The following LEF1 variants were observed in gnomAD, a reference collection of about 807,000 sequenced individuals.
LEF1 encodes lymphoid enhancer binding factor 1.
LEF1 carries 14 observed loss-of-function variants against 51.2 expected under a neutral mutation model. The observed-to-expected ratio is 0.27, with a 90% CI of 0.18 to 0.43. The LOEUF (loss-of-function observed/expected upper bound fraction) is 0.43. Ranked by LOEUF, LEF1 falls within the 20% of genes least tolerant of loss-of-function variation. The pLI is 1.00. For missense variants in LEF1, 386 were observed against 512.0 expected (o/e 0.75, Z 2.37); for synonymous variants, 185 against 183.2 (o/e 1.01, Z -0.08).
intron 3 of LEF1, chr4:108,104,691 C>G (rs754865155): frequency 1.0e-6 from 1 of 984,582 alleles, no homozygotes; most frequent in South Asian, 4.7e-5. Flanking sequence ...TATGAATGCT[C>G]TTTCCCACTC....
chr4:108,097,647 A>G (rs1055442600), intron 3 of LEF1, among the ~76,000 whole-genome samples: 2 of 152,214 alleles, frequency 1.3e-5, no homozygotes, highest in African/African-American at 4.8e-5. Flanking sequence ...TTACCTGGAC[A>G]TGATTACTAC....
At chr4:108,080,211 A>G (rs1434382439) in intron 6 of LEF1, among the ~76,000 whole-genome samples, 1 of 152,224 alleles carries the variant, frequency 6.6e-6, no homozygotes, top group Non-Finnish European at 1.5e-5. Context: ...TAAAAACTAC[A>G]CTTGCCAAAG....
At chr4:108,163,543 T>C (rs748297498) in intron 3 of LEF1, 25 bp downstream of exon 3, 2 of 1,604,984 alleles carry the variant, frequency 1.2e-6, no homozygotes, top group African/African-American at 1.3e-5. Context: ...CTGAACATAA[T>C]TTGCAACATC....
At chr4:108,156,757 C>A (rs751471607) in intron 3 of LEF1, among the ~76,000 whole-genome samples, 2 of 151,204 alleles carry the variant, frequency 1.3e-5, no homozygotes, top group African/African-American at 2.4e-5. Context: ...ATAAAAATAT[C>A]TTAGTAAAAA....
At chr4:108,127,396 T>C (rs991092587) in intron 3 of LEF1, among the ~76,000 whole-genome samples, 1 of 152,232 alleles carries the variant, frequency 6.6e-6, no homozygotes, top group Non-Finnish European at 1.5e-5. Context: ...AATGCTGCTA[T>C]ATATATCACT....
chr4:108,060,801 G>C (rs527766187), intron 11 of LEF1, among the ~76,000 whole-genome samples: 1 of 152,002 alleles, frequency 6.6e-6, no homozygotes, highest in Non-Finnish European at 1.5e-5. Flanking sequence ...TGTGAGAATA[G>C]GGACCTTCTT....
At chr4:108,104,563 T>C (rs1578347809) in intron 3 of LEF1, 1 of 249,998 alleles carries the variant, frequency 4.0e-6, no homozygotes, top group East Asian at 1.8e-4. Flanking sequence ...ACAGGGGAAT[T>C]CCAGCAAGCT....
At chr4:108,122,958 C>A (rs1287997373) in intron 3 of LEF1, among the ~76,000 whole-genome samples, 1 of 152,242 alleles carries the variant, frequency 6.6e-6, no homozygotes, top group Non-Finnish European at 1.5e-5. Context: ...TACGACAACA[C>A]AGATTTAAAG....
chr4:108,053,054 C>T (rs1737105590), intron 11 of LEF1, among the ~76,000 whole-genome samples: 1 of 152,162 alleles, frequency 6.6e-6, no homozygotes, highest in Non-Finnish European at 1.5e-5. Context: ...ACTAAATTAT[C>T]ATTCACTTTC....
At chr4:108,064,482 A>T in intron 9 of LEF1, 98 bp from the exon 10 acceptor site, 1 of 818,372 alleles carries the variant, frequency 1.2e-6, no homozygotes, top group South Asian at 1.6e-5. Context: ...ACAAAGAGGT[A>T]AAGATGACTC....
chr4:108,126,889 GT>G (rs1351473016), intron 3 of LEF1, among the ~76,000 whole-genome samples: 1 of 151,010 alleles, frequency 6.6e-6, no homozygotes, highest in Non-Finnish European at 1.5e-5. Flanking sequence ...GTGTGTGTGT[GT>G]GTGTAGCTCT....
At chr4:108,124,510 C>T (rs1742391314) in intron 3 of LEF1, among the ~76,000 whole-genome samples, 1 of 152,014 alleles carries the variant, frequency 6.6e-6, no homozygotes, top group South Asian at 2.1e-4. Context: ...GCTGGAACTA[C>T]AGGTGTACGC....
In LEF1 at chr4:108,047,628, C is replaced by T. The variant is rs543628648; in HGVS notation, c.*1130G>A. ...CATTAACTCAAACTGGAATGACAAA[C>T]GTTAGGATGACAGTTTTGGGCAAAG... On this transcript the variant is annotated 3_prime_UTR_variant, in exon 12 of 12. Transcript: ENST00000265165. The T allele has an allele frequency of 7.9e-5, 12 of 152,680 alleles. No homozygotes were observed. Among genetic ancestry groups the T allele is most frequent in the Admixed American group, 2.6e-4 (4 of 15,304 alleles). 9.5% of individuals were successfully genotyped at this position (152,680 alleles called of 1,614,324 possible). A position where few individuals can be genotyped will look rare whatever the true frequency, so the allele number is the denominator to read the frequency against.
At chr4:108,090,775 ATAC>A (rs951222588) in intron 3 of LEF1, among the ~76,000 whole-genome samples, 20 of 152,142 alleles carry the variant, frequency 1.3e-4, no homozygotes, top group African/African-American at 4.1e-4. Context: ...TCTACTGTAC[ATAC>A]TACAACTTAT....
rs139231288 is a variant in LEF1 at position 108,086,829 on chromosome 4, T to TACACACACACACACACACACACACACAC, written c.547+2295_547+2296insGTGTGTGTGTGTGTGTGTGTGTGTGTGT. ...GTACTGTCCCTTACACACACACACT[T>TACACACACACACACACACACACACACAC]ACACACACACACACACACACGTGAA... On this transcript the variant is annotated intron_variant, in intron 4 of 11. Transcript: ENST00000265165. Among the ~76,000 whole-genome samples, 355 of 149,414 alleles carry TACACACACACACACACACACACACACAC rather than the reference T, an allele frequency of 2.4e-3. 2 individuals are homozygous for TACACACACACACACACACACACACACAC. Among genetic ancestry groups the TACACACACACACACACACACACACACAC allele is most frequent in the South Asian group, 5.8e-3 (27 of 4,686 alleles).
chr4:108,053,506 C>T (rs539924286), intron 11 of LEF1, among the ~76,000 whole-genome samples: 10 of 152,296 alleles, frequency 6.6e-5, no homozygotes, highest in Admixed American at 5.9e-4. Context: ...TCATGTTCTA[C>T]CAAGGCAAGG....
Position 108,082,891 on chromosome 4 carries a change from A to G in LEF1, c.638+465T>C, listed in dbSNP as rs6820148. Reference sequence around the variant, plus strand: ...CAAATTGGATGCTTACTTCATTAACATCCAAAAAATGCTCTTATATTGTTG... The same window carrying G: ...CAAATTGGATGCTTACTTCATTAACGTCCAAAAAATGCTCTTATATTGTTG... On this transcript the variant is annotated intron_variant, in intron 5 of 11. Transcript: ENST00000265165. 5.6e-3 allele frequency among the ~76,000 whole-genome samples: 846 copies of G among 152,328 alleles called. 11 individuals are homozygous for G. The highest frequency in any genetic ancestry group is 0.019 in the African/African-American group (805 of 41,570).
chr4:108,085,893 T>C (rs1206511766), intron 4 of LEF1, among the ~76,000 whole-genome samples: 1 of 152,236 alleles, frequency 6.6e-6, no homozygotes, highest in Non-Finnish European at 1.5e-5. Flanking sequence ...TGAGCTTATA[T>C]ACTGCTTGGA....
intron 3 of LEF1, among the ~76,000 whole-genome samples, chr4:108,154,937 C>T (rs1156293107): frequency 6.6e-6 from 1 of 152,150 alleles, no homozygotes; most frequent in African/African-American, 2.4e-5. Flanking sequence ...GCTAGAAAAA[C>T]ATTGATTTCT....
Sources: allele counts gnomAD v4.1 joint callset (sites outside exome capture counted in the v4.1 genomes callset), GRCh38; gene constraint gnomAD v4.1.1; transcripts MANE v1.5; gene names NCBI Gene and HGNC (gene_info 2026-07-23, HGNC 2026-07-21).